Variants in CDH18 observed in about 807,000 individuals in gnomAD.
CDH18 encodes cadherin 18, also known as cadherin-18.
In CDH18, 31 loss-of-function variants were observed where a neutral mutation model predicts 67.9. The observed-to-expected ratio is 0.46, with a 90% CI of 0.34 to 0.62. CDH18 has a LOEUF of 0.62. Among genes scored for constraint, CDH18 ranks in the 20% least tolerant of loss-of-function variants. CDH18 has a pLI of 0.01. For synonymous variants in CDH18, 362 were observed against 347.2 expected, an observed-to-expected ratio of 1.04 and a Z score of -0.48; for missense variants, 890 against 975.5, an observed-to-expected ratio of 0.91 and a Z score of 1.17.
chr5:20,550,178 T>C (rs1757557494), intron 1 of CDH18, among the ~76,000 whole-genome samples: 2 of 152,194 alleles, frequency 1.3e-5, no homozygotes, highest in Admixed American at 1.3e-4. Flanking sequence ...TGGCTATTGT[T>C]AATGTGTATT....
chr5:19,834,562 C>A (rs1228239940), intron 3 of CDH18, among the ~76,000 whole-genome samples: 1 of 151,998 alleles, frequency 6.6e-6, no homozygotes, highest in African/African-American at 2.4e-5. Context: ...TTGTCTTCTG[C>A]TAGCTTCTGG....
At chr5:19,701,917 T>G (rs1054553001) in intron 5 of CDH18, among the ~76,000 whole-genome samples, 1 of 152,114 alleles carries the variant, frequency 6.6e-6, no homozygotes, top group Non-Finnish European at 1.5e-5. Context: ...ACGGAATGCA[T>G]GCATGTTGAA....
At chr5:19,588,967 C>T (rs1057068877) in intron 7 of CDH18, among the ~76,000 whole-genome samples, 8 of 152,074 alleles carry the variant, frequency 5.3e-5, no homozygotes, top group Non-Finnish European at 1.0e-4. Context: ...TAAAACCTCA[C>T]TGACATTATG....
chr5:19,759,007 G>T (rs1771991738), intron 3 of CDH18, among the ~76,000 whole-genome samples: 1 of 152,212 alleles, frequency 6.6e-6, no homozygotes, highest in Non-Finnish European at 1.5e-5. Flanking sequence ...GGACAGCAAA[G>T]GTATATTGCT....
intron 1 of CDH18, among the ~76,000 whole-genome samples, chr5:20,429,528 G>A (rs753393848): frequency 1.3e-5 from 2 of 152,128 alleles, no homozygotes; most frequent in Non-Finnish European, 2.9e-5. Context: ...CTGAATAAGT[G>A]TTTTGTCATA....
At chr5:20,127,675 G>GATT (rs1053066087) in intron 2 of CDH18, among the ~76,000 whole-genome samples, 2 of 152,072 alleles carry the variant, frequency 1.3e-5, no homozygotes, top group Admixed American at 1.3e-4. Flanking sequence ...GTAGAATGAT[G>GATT]ATTGCCAGTG....
chr5:19,634,926 A>G (rs62351284), intron 5 of CDH18, among the ~76,000 whole-genome samples: 8,598 of 140,556 alleles, frequency 0.061, 281 homozygotes, highest in Non-Finnish European at 0.078. Flanking sequence ...AGTAAGAGCT[A>G]AACTGCATCT....
At chr5:20,544,878 G>T (rs149286605) in intron 1 of CDH18, among the ~76,000 whole-genome samples, 100 of 152,230 alleles carry the variant, frequency 6.6e-4, no homozygotes, top group African/African-American at 2.3e-3. Flanking sequence ...TAACTCAAAA[G>T]TTCAAGTCCA....
At chr5:20,230,112 T>G (rs1178021882) in intron 2 of CDH18, among the ~76,000 whole-genome samples, 1 of 152,160 alleles carries the variant, frequency 6.6e-6, no homozygotes, top group Non-Finnish European at 1.5e-5. Flanking sequence ...TAGTCCTTTA[T>G]GGTCTAGGTT....
chr5:20,103,728 G>T (rs762234193), intron 2 of CDH18, among the ~76,000 whole-genome samples: 1 of 146,306 alleles, frequency 6.8e-6, no homozygotes, highest in Admixed American at 6.9e-5. Context: ...GTGAGACGCC[G>T]TCTCAAAAAA....
chr5:20,331,754 G>A (rs1185069329), intron 1 of CDH18, among the ~76,000 whole-genome samples: 2 of 152,116 alleles, frequency 1.3e-5, no homozygotes, highest in Non-Finnish European at 2.9e-5. Flanking sequence ...TCTCAAGGTG[G>A]AATATATCTG....
chr5:20,545,724 G>A (rs1251210574), intron 1 of CDH18, among the ~76,000 whole-genome samples: 2 of 152,182 alleles, frequency 1.3e-5, no homozygotes, highest in African/African-American at 2.4e-5. Context: ...GATGAGAGGG[G>A]CTACTGCCAA....
intron 1 of CDH18, among the ~76,000 whole-genome samples, chr5:20,542,528 C>CA (rs1757109414): frequency 2.6e-5 from 4 of 151,130 alleles, no homozygotes; most frequent in Non-Finnish European, 5.9e-5. Context: ...CATATATATG[C>CA]TATATATGCA....
At chr5:20,358,657 T>A (rs1166406899) in intron 1 of CDH18, among the ~76,000 whole-genome samples, 1 of 152,100 alleles carries the variant, frequency 6.6e-6, no homozygotes, top group African/African-American at 2.4e-5. Flanking sequence ...TTTAAGGAAG[T>A]TACAGGTTTT....
chr5:20,243,987 T>A (rs989957248), intron 2 of CDH18, among the ~76,000 whole-genome samples: 6 of 152,154 alleles, frequency 3.9e-5, no homozygotes, highest in Non-Finnish European at 7.4e-5. Flanking sequence ...ACCTCTGGAC[T>A]TTCAGTTGAA....
At chr5:19,874,873 C>T (rs1561487518) in intron 2 of CDH18, among the ~76,000 whole-genome samples, 1 of 152,064 alleles carries the variant, frequency 6.6e-6, no homozygotes, top group East Asian at 1.9e-4. Flanking sequence ...TAGAAAAATG[C>T]TCAGGATGGA....
chr5:19,941,509 C>T (rs1278676802), intron 2 of CDH18, among the ~76,000 whole-genome samples: 1 of 151,956 alleles, frequency 6.6e-6, no homozygotes. Context: ...GGGCCAGGTG[C>T]CATGGCTCAT....
chr5:20,377,139 C>G (rs774514410), intron 1 of CDH18, among the ~76,000 whole-genome samples: 7 of 152,092 alleles, frequency 4.6e-5, no homozygotes, highest in Admixed American at 1.3e-4. Context: ...GTAGAAACTC[C>G]GTGTAAGGTT....
intron 2 of CDH18, among the ~76,000 whole-genome samples, chr5:20,146,146 G>A (rs1463111449): frequency 7.2e-5 from 11 of 152,124 alleles, no homozygotes; most frequent in East Asian, 3.9e-4. Flanking sequence ...TTTTCATGGT[G>A]CAGGATTCTG....
Sources: gnomAD v4.1 joint callset for allele counts (sites outside exome capture counted in the v4.1 genomes callset) on GRCh38, gnomAD v4.1.1 for gene constraint, MANE v1.5 for transcripts, NCBI Gene and HGNC (gene_info 2026-07-23, HGNC 2026-07-21) for gene names.